Variants in SH3RF3 observed in about 807,000 individuals in gnomAD.
The protein encoded by SH3RF3 is E3 ubiquitin-protein ligase SH3RF3.
SH3RF3 carries 29 observed loss-of-function variants against 66.3 expected under a neutral mutation model. The ratio of observed to expected loss-of-function variants is 0.44; its 90% CI spans 0.33 to 0.60. SH3RF3 has a LOEUF of 0.60. Among genes scored for constraint, SH3RF3 ranks in the 20% least tolerant of loss-of-function variants. SH3RF3 has a pLI of 0.04. For missense variants in SH3RF3, 1,194 were observed against 1,190.9 expected, an observed-to-expected ratio of 1.00 and a Z score of -0.04; for synonymous variants, 583 against 532.0, an observed-to-expected ratio of 1.10 and a Z score of -1.32.
chr2:109,255,691 G>T (rs1346795170), intron 1 of SH3RF3, among the ~76,000 whole-genome samples: 1 of 152,198 alleles, frequency 6.6e-6, no homozygotes, highest in East Asian at 1.9e-4. Context: ...GAAAACATGT[G>T]GAGGACACTG....
At chr2:109,479,587 G>T (rs991786148) in intron 8 of SH3RF3, among the ~76,000 whole-genome samples, 7 of 152,150 alleles carry the variant, frequency 4.6e-5, no homozygotes, top group Non-Finnish European at 8.8e-5. Flanking sequence ...CCAGGGCAGG[G>T]CCAGGTGTGC....
chr2:109,143,629 C>T (rs1428952785), intron 1 of SH3RF3, among the ~76,000 whole-genome samples: 2 of 151,994 alleles, frequency 1.3e-5, no homozygotes, highest in East Asian at 1.9e-4. Flanking sequence ...TGGTGCATGC[C>T]TGTAGTCCTA....
intron 9 of SH3RF3, among the ~76,000 whole-genome samples, chr2:109,496,545 G>A (rs1160784082): frequency 6.6e-6 from 1 of 152,202 alleles, no homozygotes; most frequent in Non-Finnish European, 1.5e-5. Context: ...TGAGGGTGAG[G>A]GCACCTGCAG....
chr2:109,466,653 C>T (rs1380357011), intron 8 of SH3RF3, among the ~76,000 whole-genome samples: 1 of 152,156 alleles, frequency 6.6e-6, no homozygotes, highest in Non-Finnish European at 1.5e-5. Flanking sequence ...ACCACTAAGC[C>T]TAAGGTCCTC....
chr2:109,207,409 G>A (rs1289935176), intron 1 of SH3RF3, among the ~76,000 whole-genome samples: 2 of 152,148 alleles, frequency 1.3e-5, no homozygotes, highest in African/African-American at 4.8e-5. Context: ...AAAAGTGACA[G>A]GCAAGAAGGC....
chr2:109,389,798 T>C (rs960005416), intron 3 of SH3RF3, among the ~76,000 whole-genome samples: 4 of 152,146 alleles, frequency 2.6e-5, no homozygotes, highest in Non-Finnish European at 4.4e-5. Flanking sequence ...TACATCAGAA[T>C]ATAAATGCAG....
At chr2:109,285,850 T>G (rs964928644) in intron 1 of SH3RF3, among the ~76,000 whole-genome samples, 2 of 152,204 alleles carry the variant, frequency 1.3e-5, no homozygotes, top group Non-Finnish European at 2.9e-5. Context: ...TCTGCGTGGC[T>G]CCAAGCCTGA....
intron 2 of SH3RF3, among the ~76,000 whole-genome samples, chr2:109,359,860 A>G (rs903200646): frequency 6.6e-6 from 1 of 152,196 alleles, no homozygotes; most frequent in Admixed American, 6.5e-5. Flanking sequence ...AAGCACAACC[A>G]TAAAGGGTCA....
At chr2:109,259,941 T>C (rs1378207164) in intron 1 of SH3RF3, among the ~76,000 whole-genome samples, 2 of 152,192 alleles carry the variant, frequency 1.3e-5, no homozygotes. Context: ...CTGCAGATGA[T>C]ATCCATGTTC....
At chr2:109,435,506 C>G (rs1359620266) in intron 6 of SH3RF3, among the ~76,000 whole-genome samples, 1 of 152,190 alleles carries the variant, frequency 6.6e-6, no homozygotes, top group Non-Finnish European at 1.5e-5. Context: ...GCTCTCGGGG[C>G]TGGGAGTATA....
intron 1 of SH3RF3, among the ~76,000 whole-genome samples, chr2:109,186,115 C>T (rs759125580): frequency 1.3e-5 from 2 of 152,232 alleles, no homozygotes; most frequent in Non-Finnish European, 2.9e-5. Context: ...AGAGGGCAGG[C>T]CCTGTCTCTG....
At chr2:109,293,190 G>T (rs760190359) in intron 1 of SH3RF3, among the ~76,000 whole-genome samples, 2 of 152,262 alleles carry the variant, frequency 1.3e-5, no homozygotes, top group Non-Finnish European at 1.5e-5. Flanking sequence ...ATGGTGCTGT[G>T]TGGGGCCCTG....
intron 1 of SH3RF3, among the ~76,000 whole-genome samples, chr2:109,152,101 T>G (rs1331267755): frequency 2.0e-5 from 3 of 152,260 alleles, no homozygotes; most frequent in Non-Finnish European, 4.4e-5. Flanking sequence ...GAGTCTAATT[T>G]TGTTTTTCTC....
chr2:109,342,034 A>G (rs1482832074), intron 1 of SH3RF3, among the ~76,000 whole-genome samples: 4 of 152,202 alleles, frequency 2.6e-5, no homozygotes, highest in African/African-American at 7.2e-5. Flanking sequence ...GCCGGGGCCT[A>G]TGGACGAATG....
intron 1 of SH3RF3, among the ~76,000 whole-genome samples, chr2:109,275,122 CTTA>C (rs1436846549): frequency 2.6e-5 from 4 of 152,180 alleles, no homozygotes; most frequent in South Asian, 2.1e-4. Flanking sequence ...GCTTGTCTGC[CTTA>C]TTATCACCAC....
rs567527634 is a variant in SH3RF3 at position 109,266,404 on chromosome 2, C to T, written c.574-81270C>T. ...GGCTGCCCCAAGCAGGAGTGTCCTC[C>T]GATACAACAAGACTCGCAGGAACAA... On this transcript the variant is annotated intron_variant, in intron 1 of 9. Coordinates refer to ENST00000309415, the MANE Select transcript of SH3RF3 (RefSeq NM_001099289.3). Among the ~76,000 whole-genome samples the T allele has an allele frequency of 1.2e-3, 175 of 152,056 alleles. 1 individual carries two copies. The highest frequency in any genetic ancestry group is 4.0e-3 in the African/African-American group (164 of 41,444).
At chr2:109,253,108 A>G (rs908978422) in intron 1 of SH3RF3, among the ~76,000 whole-genome samples, 10 of 151,956 alleles carry the variant, frequency 6.6e-5, no homozygotes, top group African/African-American at 2.4e-4. Flanking sequence ...GGTCACTGCA[A>G]CCTCCACCTC....
At chr2:109,262,042 C>A (rs1328807894) in intron 1 of SH3RF3, among the ~76,000 whole-genome samples, 1 of 152,162 alleles carries the variant, frequency 6.6e-6, no homozygotes, top group Non-Finnish European at 1.5e-5. Flanking sequence ...GGTCGGTGGC[C>A]CGGCTGCTGA....
At chr2:109,157,234 G>A (rs558017927) in intron 1 of SH3RF3, among the ~76,000 whole-genome samples, 36 of 152,248 alleles carry the variant, frequency 2.4e-4, no homozygotes, top group Non-Finnish European at 4.7e-4. Context: ...CAGCTCTGCT[G>A]GTAGGTCTAG....
Sources: gnomAD v4.1 joint callset for allele counts (sites outside exome capture counted in the v4.1 genomes callset) on GRCh38, gnomAD v4.1.1 for gene constraint, MANE v1.5 for transcripts, NCBI Gene and HGNC (gene_info 2026-07-23, HGNC 2026-07-21) for gene names.